The following SLC25A21 variants were observed in gnomAD, a reference collection of about 807,000 sequenced individuals.
SLC25A21 encodes the protein solute carrier family 25 member 21.
Under a neutral mutation model 43.8 loss-of-function variants are expected in SLC25A21, and 47 were observed. The observed-to-expected ratio is 1.07, with a 90% confidence interval of 0.85 to 1.37. The LOEUF is 1.37. SLC25A21 is among the 40% of genes most tolerant of loss of function. The pLI, the probability that SLC25A21 is intolerant of heterozygous loss-of-function variation, is 0.00. For synonymous variants in SLC25A21, 131 were observed against 121.3 expected, an observed-to-expected ratio of 1.08 and a Z score of -0.52; for missense variants, 352 against 350.2, an observed-to-expected ratio of 1.00 and a Z score of -0.04.
intron 7 of SLC25A21, among the ~76,000 whole-genome samples, chr14:36,693,756 C>A (rs1027250785): frequency 1.1e-4 from 16 of 152,066 alleles, no homozygotes; most frequent in African/African-American, 3.4e-4. Context: ...ACCTCAGCTT[C>A]CCGAGTAGCT....
intron 2 of SLC25A21, among the ~76,000 whole-genome samples, chr14:36,862,879 T>A (rs1175280372): frequency 6.6e-6 from 1 of 152,208 alleles, no homozygotes; most frequent in Non-Finnish European, 1.5e-5. Context: ...ATTATATAGT[T>A]ATTAAATTAT....
intron 1 of SLC25A21, among the ~76,000 whole-genome samples, chr14:37,025,883 C>T (rs1318974881): frequency 4.3e-4 from 65 of 152,014 alleles, no homozygotes; most frequent in Admixed American, 4.3e-3. Flanking sequence ...GTGATCAGTG[C>T]ATAAATTTAA....
intron 3 of SLC25A21, among the ~76,000 whole-genome samples, chr14:36,776,942 C>T (rs917038634): frequency 5.9e-5 from 9 of 152,108 alleles, no homozygotes; most frequent in Non-Finnish European, 1.3e-4. Flanking sequence ...TCTTGATCTG[C>T]CAATTATCCC....
chr14:37,112,799 A>C (rs1963042130), intron 1 of SLC25A21, among the ~76,000 whole-genome samples: 1 of 152,174 alleles, frequency 6.6e-6, no homozygotes, highest in Non-Finnish European at 1.5e-5. Flanking sequence ...GAAGGGAAAA[A>C]CAGAAGTAAC....
rs371144693 is a variant in SLC25A21, at chr14:36,880,292, C to T, written c.71-5288G>A. On this transcript the variant is annotated intron_variant, in intron 1 of 9. Transcript: ENST00000331299. ...AAGGTAACTTTGGGCATAGAGGCCA[C>T]ACACAGCACAGCAACAAGACAGACA... Among the ~76,000 whole-genome samples the T allele has an allele frequency of 1.2e-4, 18 of 152,322 alleles. No homozygotes were observed. The South Asian group carries it at 2.5e-3, about 21-fold the overall frequency.
At chr14:36,909,226 G>C (rs929382394) in intron 1 of SLC25A21, among the ~76,000 whole-genome samples, 1 of 152,148 alleles carries the variant, frequency 6.6e-6, no homozygotes, top group South Asian at 2.1e-4. Flanking sequence ...CGAGGGGTCT[G>C]GTAGGCAACC....
At chr14:36,896,096 G>T (rs1169760143) in intron 1 of SLC25A21, among the ~76,000 whole-genome samples, 1 of 152,154 alleles carries the variant, frequency 6.6e-6, no homozygotes, top group Non-Finnish European at 1.5e-5. Flanking sequence ...GGATATCCTC[G>T]TTAACTTTCT....
chr14:36,783,648 A>T (rs1184723516), intron 3 of SLC25A21, among the ~76,000 whole-genome samples: 1 of 152,128 alleles, frequency 6.6e-6, no homozygotes, highest in African/African-American at 2.4e-5. Flanking sequence ...CCACCTTGGG[A>T]AAGGGGGACA....
intron 1 of SLC25A21, among the ~76,000 whole-genome samples, chr14:36,958,030 TAAAG>T (rs899878952): frequency 3.3e-5 from 5 of 152,026 alleles, no homozygotes; most frequent in Non-Finnish European, 5.9e-5. Flanking sequence ...TAGCAGAAAA[TAAAG>T]GAAGAATATT....
chr14:36,875,020 G>A lies in SLC25A21; in HGVS notation c.71-16C>T, dbSNP rs1437511528. 1 of 1,488,666 alleles carries A rather than the reference G, an allele frequency of 6.7e-7. No individual in the cohort carries two copies. Among genetic ancestry groups the A allele is most frequent in the Non-Finnish European group, 9.0e-7 (1 of 1,113,448 alleles). The allele number at this position is 1,488,666 out of a possible 1,614,324, so 92.2% of individuals were successfully genotyped here. A position where few individuals can be genotyped will look rare whatever the true frequency, so the allele number is the denominator to read the frequency against. Reference sequence around the variant, plus strand: ...TCTACAAGACCTGAAAGATGATAAAGAAAATCCAATAAACACTTATGTAAA... The same window carrying A: ...TCTACAAGACCTGAAAGATGATAAAAAAAATCCAATAAACACTTATGTAAA... On this transcript the variant is annotated splice_polypyrimidine_tract_variant and intron_variant, in intron 1 of 9. Transcript: ENST00000331299.
chr14:36,985,330 T>C (rs908601958), intron 1 of SLC25A21, among the ~76,000 whole-genome samples: 2 of 152,066 alleles, frequency 1.3e-5, no homozygotes, highest in Non-Finnish European at 2.9e-5. Flanking sequence ...ACCTGCACAA[T>C]GTGCACATGT....
At chr14:37,131,123 T>C (rs1181068700) in intron 1 of SLC25A21, among the ~76,000 whole-genome samples, 1 of 152,222 alleles carries the variant, frequency 6.6e-6, no homozygotes, top group African/African-American at 2.4e-5. Context: ...AACTCTACAC[T>C]TATAATTTGT....
chr14:36,856,184 C>G (rs1355211293), intron 2 of SLC25A21, among the ~76,000 whole-genome samples: 3 of 152,176 alleles, frequency 2.0e-5, no homozygotes, highest in Non-Finnish European at 4.4e-5. Flanking sequence ...CACAAATCCT[C>G]GCTCCTGAGG....
At chr14:36,996,059 G>T (rs535293145) in intron 1 of SLC25A21, among the ~76,000 whole-genome samples, 1 of 152,284 alleles carries the variant, frequency 6.6e-6, no homozygotes, top group East Asian at 1.9e-4. Flanking sequence ...GGTCTCCAAA[G>T]TTTGTGACCC....
intron 3 of SLC25A21, among the ~76,000 whole-genome samples, chr14:36,740,860 C>G (rs1885225973): frequency 6.6e-6 from 1 of 152,068 alleles, no homozygotes; most frequent in African/African-American, 2.4e-5. Context: ...GTTTTTAAGT[C>G]TAAATTTTAG....
chr14:36,813,982 C>T lies in SLC25A21; in HGVS notation c.139G>A (p.Ala47Thr). The change falls in exon 3 of 10, where the codon GCA (alanine) becomes ACA (threonine). Residue 47 changes from alanine to threonine, a missense_variant. Transcript: ENST00000331299. ...CTTTTATAACTGTTTGGATCGGTTG[C>T]ACATCTCTGAATCTGAAACCTAGAA... ...VKTRFQIQRCATDPNSYKSLV... is the reference protein window; with the variant it reads ...VKTRFQIQRCTTDPNSYKSLV... The T allele has an allele frequency of 6.2e-7, 1 of 1,606,532 alleles. No homozygotes were observed. Among genetic ancestry groups the T allele is most frequent in the African/African-American group, 1.3e-5 (1 of 74,722 alleles).
intron 1 of SLC25A21, among the ~76,000 whole-genome samples, chr14:36,898,621 T>C (rs1891316294): frequency 6.6e-6 from 1 of 152,182 alleles, no homozygotes; most frequent in Non-Finnish European, 1.5e-5. Flanking sequence ...GTCTTCTGCG[T>C]CGCTCATGCT....
intron 4 of SLC25A21, 54 bp from the exon 5 acceptor site, chr14:36,729,620 C>T: frequency 7.1e-7 from 1 of 1,403,594 alleles, no homozygotes; most frequent in Non-Finnish European, 9.8e-7. Context: ...GCAACAAACT[C>T]TTTAATTGAC....
At chr14:36,934,583 C>T (rs1892372180) in intron 1 of SLC25A21, among the ~76,000 whole-genome samples, 3 of 151,924 alleles carry the variant, frequency 2.0e-5, no homozygotes, top group Non-Finnish European at 2.9e-5. Context: ...GTTCCTATGC[C>T]ATTTCCACTT....
Sources: allele counts gnomAD v4.1 joint callset (sites outside exome capture counted in the v4.1 genomes callset), GRCh38; gene constraint gnomAD v4.1.1; transcripts MANE v1.5; gene names NCBI Gene and HGNC (gene_info 2026-07-23, HGNC 2026-07-21).